NOL11: variants seen among roughly 807,000 people sequenced by gnomAD.
NOL11 encodes nucleolar protein 11.
In NOL11, 42 loss-of-function variants were observed where a neutral mutation model predicts 93.0. That is an observed-to-expected ratio of 0.45 (90% CI 0.35 to 0.58). The LOEUF (loss-of-function observed/expected upper bound fraction) is 0.58. Ranked by LOEUF, NOL11 falls within the 20% of genes least tolerant of loss-of-function variation. The pLI is 0.00. For missense variants in NOL11, 775 were observed against 841.8 expected, an observed-to-expected ratio of 0.92 and a Z score of 0.98; for synonymous variants, 296 against 293.7, an observed-to-expected ratio of 1.01 and a Z score of -0.08.
At chr17:67,721,182 G>A (rs922456497) in intron 3 of NOL11, among the ~76,000 whole-genome samples, 196 bp from the exon 4 acceptor site, 1 of 152,146 alleles carries the variant, frequency 6.6e-6, no homozygotes, top group Non-Finnish European at 1.5e-5. Context: ...TAGGTAGAGA[G>A]GATAAGAGAA....
intron 6 of NOL11, 126 bp downstream of exon 6, chr17:67,724,319 G>T: frequency 6.2e-6 from 3 of 486,208 alleles, no homozygotes; most frequent in South Asian, 3.8e-5. Flanking sequence ...TCTTTACAGC[G>T]TTCATGCCTT....
intron 16 of NOL11, among the ~76,000 whole-genome samples, chr17:67,740,465 C>A (rs2055245286): frequency 6.6e-6 from 1 of 151,692 alleles, no homozygotes; most frequent in South Asian, 2.1e-4. Context: ...CAAAATTAGC[C>A]AGGTGTGGTG....
intron 15 of NOL11, 97 bp from the exon 16 acceptor site, chr17:67,739,419 T>G: frequency 1.5e-6 from 1 of 686,564 alleles, no homozygotes; most frequent in African/African-American, 1.9e-5. Context: ...TTGTTTGATG[T>G]ATAAATTGAA....
At chr17:67,718,237 A>T in intron 1 of NOL11, 149 bp downstream of exon 1, 1 of 1,084,624 alleles carries the variant, frequency 9.2e-7, no homozygotes, top group South Asian at 1.7e-5. Context: ...ACGCTGAGTG[A>T]GGTCTGGAAT....
rs76234567 is a variant in NOL11, at chr17:67,726,588, C to G, written c.793C>G (p.Leu265Val). The G allele has an allele frequency of 4.6e-3, 7,359 of 1,614,002 alleles. 271 individuals carry two copies. In the African/African-American group the frequency reaches 0.086, roughly 19 times the overall value. The change falls in exon 7 of 18, where the codon CTC (leucine) becomes GTC (valine). Residue 265 changes from leucine to valine, a missense_variant. Leu to Val is a conservative substitution (Grantham distance 32, BLOSUM62 1). This residue lies in a region of NOL11 where 416 missense variants were observed against 525.2 expected (regional missense o/e 0.79). Coordinates refer to ENST00000253247, the MANE Select transcript of NOL11 (RefSeq NM_015462.5). ...VSGNARNGVALTALDQDHVAV... is the reference protein window; with the variant it reads ...VSGNARNGVAVTALDQDHVAV... ...TGGTAACGCTCGAAATGGAGTTGCA[C>G]TCACTGCCCTGGATCAGGATCACGT...
At chr17:67,742,427 A>G (rs2055264925) in intron 16 of NOL11, among the ~76,000 whole-genome samples, 1 of 152,214 alleles carries the variant, frequency 6.6e-6, no homozygotes, top group Non-Finnish European at 1.5e-5. Context: ...ATATTAAGGA[A>G]ATTAGCCTTT....
chr17:67,719,742 G>C lies in NOL11; in HGVS notation c.210G>C (p.Val70=). Residue 70 remains valine (V), a synonymous_variant, in exon 2 of 18, where the codon GTG becomes GTC. Transcript: ENST00000253247. ...KQGQIITCPA[V]CNFQTGEYVV... Reference sequence around the variant, plus strand: ...GTCAAATTATAACATGTCCAGCTGTGTGCAACTTTCAAACTGGAGAGTATG... The same window carrying C: ...GTCAAATTATAACATGTCCAGCTGTCTGCAACTTTCAAACTGGAGAGTATG... 4.3e-6 allele frequency: 7 copies of C among 1,610,588 alleles called. No individual in the cohort carries two copies. The highest frequency in any genetic ancestry group is 5.9e-6 in the Non-Finnish European group (7 of 1,178,902).
At position 67,724,188 on chromosome 17, in the gene NOL11, C is replaced by T; in HGVS notation, c.659C>T (p.Ser220Leu). The change falls in exon 6 of 18, where the codon TCA becomes TTA. Residue 220 changes from serine to leucine, a missense_variant. By Grantham distance (145) the Ser-to-Leu change is moderately radical (BLOSUM62 -2). Around this residue, in one of 2 missense-constraint regions of NOL11, gnomAD observed 359 missense variants for 316.5 expected, o/e 1.13. Coordinates refer to ENST00000253247, the MANE Select transcript of NOL11 (RefSeq NM_015462.5). ...SVDRKFISLMSLSSDGCIYET... is the reference protein window; with the variant it reads ...SVDRKFISLMLLSSDGCIYET... Reference sequence around the variant, plus strand: ...GATCGGAAATTCATCTCTTTGATGTCATTAAGTAAGTTTTCTTTCTTTAAA... The same window carrying T: ...GATCGGAAATTCATCTCTTTGATGTTATTAAGTAAGTTTTCTTTCTTTAAA... 6.5e-7 allele frequency: 1 copy of T among 1,548,990 alleles called. No individual in the cohort carries two copies. Among genetic ancestry groups the T allele is most frequent in the Non-Finnish European group, 8.7e-7 (1 of 1,144,716 alleles).
chr17:67,720,757 T>A (rs914986143), intron 3 of NOL11, among the ~76,000 whole-genome samples: 2 of 152,230 alleles, frequency 1.3e-5, no homozygotes, highest in Non-Finnish European at 2.9e-5. Flanking sequence ...GAAAGTTCTT[T>A]CCAGTTCTAA....
chr17:67,737,472 T>G, intron 11 of NOL11, 36 bp from the exon 12 acceptor site: 6 of 1,519,776 alleles, frequency 3.9e-6, no homozygotes, highest in Non-Finnish European at 5.4e-6. Flanking sequence ...CATTCGTTAA[T>G]GTGCCAAACT....
At chr17:67,727,734 C>T (rs955212449) in intron 7 of NOL11, among the ~76,000 whole-genome samples, 12 of 151,816 alleles carry the variant, frequency 7.9e-5, no homozygotes, top group African/African-American at 2.9e-4. Context: ...GAGGCTGAGA[C>T]AGGCAGATTG....
intron 7 of NOL11, among the ~76,000 whole-genome samples, chr17:67,733,322 G>A (rs1010737200): frequency 6.6e-6 from 1 of 152,144 alleles, no homozygotes; most frequent in African/African-American, 2.4e-5. Context: ...CCAAGATCGT[G>A]CCACTGCACT....
intron 14 of NOL11, 173 bp downstream of exon 14, chr17:67,738,528 T>G: frequency 1.7e-6 from 1 of 577,242 alleles, no homozygotes; most frequent in South Asian, 2.4e-5. Flanking sequence ...AAGGTTTACT[T>G]AAACCTGTTT....
At chr17:67,739,494 A>G in intron 15 of NOL11, 22 bp from the exon 16 acceptor site, 4 of 1,419,964 alleles carry the variant, frequency 2.8e-6, no homozygotes, top group Non-Finnish European at 3.9e-6. Context: ...ATGATAAACT[A>G]TCCATTTTTT....
Position 67,734,349 on chromosome 17 carries a change from G to A in NOL11, c.854-14G>A. On this transcript the variant is annotated splice_polypyrimidine_tract_variant and intron_variant, in intron 7 of 17. Transcript: ENST00000253247. ...ACTTGGGACTTTTTTCTGAATTTAT[G>A]TCTTATTTTATAGAATGCCTCTCTG... 6.7e-7 allele frequency: 1 copy of A among 1,490,632 alleles called. No individual in the cohort carries two copies. The highest frequency in any genetic ancestry group is 9.3e-7 in the Non-Finnish European group (1 of 1,071,736). 92.3% of individuals were successfully genotyped at this position (1,490,632 alleles called of 1,614,324 possible).
At chr17:67,725,779 G>C (rs9914409) in intron 6 of NOL11, among the ~76,000 whole-genome samples, 1 of 152,100 alleles carries the variant, frequency 6.6e-6, no homozygotes, top group East Asian at 1.9e-4. Flanking sequence ...AGGGTGATGA[G>C]GTAGGAAGAA....
chr17:67,717,974 G>A lies in NOL11; in HGVS notation c.27G>A (p.Thr9=), dbSNP rs752985253. The change falls in exon 1 of 18, where the codon ACG becomes ACA. Residue 9 remains threonine (T), a synonymous_variant. Coordinates refer to ENST00000253247, the MANE Select transcript of NOL11 (RefSeq NM_015462.5). The part of the protein sequence containing the change: MAALEEEF[T]LSSVVLSAGP... ...TGGCAGCGCTGGAGGAAGAATTCAC[G>A]TTGTCTTCGGTAGTCCTGAGCGCCG... 2 of 1,614,228 alleles carry A rather than the reference G, an allele frequency of 1.2e-6. No homozygotes were observed. Among genetic ancestry groups the A allele is most frequent in the South Asian group, 1.1e-5 (1 of 91,090 alleles).
intron 9 of NOL11, 123 bp downstream of exon 9, chr17:67,736,146 T>G: frequency 1.1e-6 from 1 of 938,612 alleles, no homozygotes; most frequent in Non-Finnish European, 1.5e-6. Flanking sequence ...TACCGCTGTT[T>G]ATTGAAACTT....
At chr17:67,722,749 A>G (rs995669633) in intron 5 of NOL11, 112 bp downstream of exon 5, 1 of 1,358,866 alleles carries the variant, frequency 7.4e-7, no homozygotes, top group Non-Finnish European at 9.7e-7. Flanking sequence ...CAGTGGTGCC[A>G]CGATGGTTCA....
Sources: allele counts gnomAD v4.1 joint callset (sites outside exome capture counted in the v4.1 genomes callset), GRCh38; gene constraint gnomAD v4.1.1; regional missense constraint gnomAD v4.1.1; transcripts MANE v1.5; gene names NCBI Gene and HGNC (gene_info 2026-07-23, HGNC 2026-07-21).